TTYH2: variants seen among roughly 807,000 people sequenced by gnomAD.
The protein encoded by TTYH2 is protein tweety homolog 2.
A neutral mutation model predicts 68.3 loss-of-function variants in TTYH2; 49 were observed. The ratio of observed to expected loss-of-function variants is 0.72; its 90% CI spans 0.57 to 0.91. The LOEUF is 0.91. Ranked by LOEUF, TTYH2 falls within the 40% of genes least tolerant of loss-of-function variation. TTYH2 has a pLI of 0.00. For synonymous variants in TTYH2, 272 were observed against 300.8 expected (o/e 0.90, Z 0.99); for missense variants, 631 against 700.4 (o/e 0.90, Z 1.12).
rs550611863 is a variant in TTYH2, at chr17:74,229,367, C to T, written c.303-1521C>T. Among the ~76,000 whole-genome samples the T allele has an allele frequency of 1.1e-4, 17 of 152,252 alleles. 1 individual carries two copies. The highest frequency in any genetic ancestry group is 2.1e-4 in the Non-Finnish European group (14 of 68,022). On this transcript the variant is annotated intron_variant, in intron 2 of 13. Transcript: ENST00000269346. ...ATCCCTTGGGCTGGCTACAGTCTCC[C>T]AACTTTTGGAGTCTTAGGACTAGAG... is the stretch of plus-strand genomic sequence containing the variant.
rs189451956 is a variant in TTYH2, at chr17:74,259,512, T to C, written c.1525-617T>C. Among the ~76,000 whole-genome samples, 367 of 152,312 alleles carry C rather than the reference T, an allele frequency of 2.4e-3. 1 individual carries two copies. Among genetic ancestry groups the C allele is most frequent in the Admixed American group, 4.4e-3 (67 of 15,296 alleles). On this transcript the variant is annotated intron_variant, in intron 13 of 13. Transcript: ENST00000269346. The stretch of plus-strand genomic sequence containing the variant: ...TTACAGGTATGAATCACCACCGTTA[T>C]GTGCATTTTGCATCAACAAAAATAT...
At chr17:74,238,077 G>A (rs552020051) in intron 4 of TTYH2, among the ~76,000 whole-genome samples, 58 of 152,206 alleles carry the variant, frequency 3.8e-4, no homozygotes, top group Non-Finnish European at 6.5e-4. Flanking sequence ...CACTCCCCGC[G>A]CCAAAGGCTG....
At chr17:74,259,852 C>T (rs1391416883) in intron 13 of TTYH2, among the ~76,000 whole-genome samples, 3 of 152,200 alleles carry the variant, frequency 2.0e-5, no homozygotes, top group African/African-American at 4.8e-5. Context: ...CTCCTCCGTG[C>T]GCTGGTGGAC....
At chr17:74,230,440 G>A (rs1224313682) in intron 2 of TTYH2, among the ~76,000 whole-genome samples, 3 of 152,026 alleles carry the variant, frequency 2.0e-5, no homozygotes, top group Admixed American at 6.6e-5. Context: ...AATGTGCAAC[G>A]CTGAGAATGA....
chr17:74,230,739 C>A, intron 2 of TTYH2, 149 bp from the exon 3 acceptor site: 1 of 669,618 alleles, frequency 1.5e-6, no homozygotes, highest in Non-Finnish European at 2.4e-6. Context: ...CTCCTGGGTT[C>A]AAGCAATTCT....
rs35080135 is a variant in TTYH2, at chr17:74,227,983, C to CTTT, written c.303-2889_303-2887dup. 3.1e-4 allele frequency among the ~76,000 whole-genome samples: 35 copies of CTTT among 112,504 alleles called. 1 individual carries two copies. Among genetic ancestry groups the CTTT allele is most frequent in the African/African-American group, 1.4e-3 (30 of 21,542 alleles). 73.8% of individuals were successfully genotyped at this position (112,504 alleles called of 152,430 possible). ...GAAGGAGGTTTCTTTTCTTTTCTTT[C>CTTT]TTTTTTTTTTTTTTTTTTGAGATAG... On this transcript the variant is annotated intron_variant, in intron 2 of 13. Coordinates refer to ENST00000269346, the MANE Select transcript of TTYH2 (RefSeq NM_032646.6).
chr17:74,225,502 G>A (rs975465626), intron 2 of TTYH2, among the ~76,000 whole-genome samples: 1 of 152,174 alleles, frequency 6.6e-6, no homozygotes, highest in African/African-American at 2.4e-5. Flanking sequence ...CCAGGCCGGC[G>A]GGAGTATTCG....
chr17:74,213,695 C>T lies in TTYH2; in HGVS notation c.108C>T (p.Pro36=), dbSNP rs774164215. 2.5e-6 allele frequency: 4 copies of T among 1,612,608 alleles called. No homozygotes were observed. Among genetic ancestry groups the T allele is most frequent in the Non-Finnish European group, 3.4e-6 (4 of 1,179,480 alleles). Residue 36 remains proline, a synonymous_variant, in exon 1 of 14, where the codon CCC becomes CCT. Transcript: ENST00000269346. This position sits in a 1 kb window ranked among gnomAD's most constrained non-coding sequence, Gnocchi z 6.1. ...AGCCCGTGAACAGCACCTTCAGCCC[C>T]GGCGACGAGAGTTACCAGGAGGTAA... ...RLQPVNSTFS[P]GDESYQESLL... is the part of the protein sequence containing the mutation.
intron 1 of TTYH2, among the ~76,000 whole-genome samples, chr17:74,221,151 C>T (rs1174973167): frequency 3.3e-5 from 5 of 152,184 alleles, no homozygotes; most frequent in Non-Finnish European, 7.4e-5. Context: ...AGCCATCTCT[C>T]CTGCCTTTTT....
chr17:74,255,392 C>G (rs2050683234), intron 13 of TTYH2, among the ~76,000 whole-genome samples: 1 of 152,250 alleles, frequency 6.6e-6, no homozygotes, highest in Non-Finnish European at 1.5e-5. Context: ...TTATTTGTGA[C>G]TTTCTTCCAC....
rs990758446 is a variant in TTYH2, at chr17:74,239,658, C to T, written c.635+2144C>T. ...CCACACCTTGCCTCCCCAGCCCGTC[C>T]AGTCCCTGCATCTCCGCCATGTCCT... On this transcript the variant is annotated intron_variant, in intron 4 of 13. Transcript: ENST00000269346. The surrounding 1 kb of genome is among the most constrained non-coding windows in gnomAD (Gnocchi z 5.3). Among the ~76,000 whole-genome samples the T allele has an allele frequency of 6.6e-6, 1 of 152,178 alleles. No individual in the cohort carries two copies. The highest frequency in any genetic ancestry group is 1.5e-5 in the Non-Finnish European group (1 of 68,032).
intron 3 of TTYH2, among the ~76,000 whole-genome samples, chr17:74,235,175 G>A (rs775526758): frequency 6.6e-6 from 1 of 152,216 alleles, no homozygotes; most frequent in Non-Finnish European, 1.5e-5. Flanking sequence ...AACTCCCAGC[G>A]TAGCGCAGAT....
At position 74,252,321 on chromosome 17, in the gene TTYH2, G is replaced by A. The variant is rs770465663; in HGVS notation, c.1204G>A (p.Ala402Thr). 1.4e-4 allele frequency: 222 copies of A among 1,613,676 alleles called. No individual in the cohort carries two copies. The highest frequency in any genetic ancestry group is 1.7e-4 in the Non-Finnish European group (202 of 1,180,030). Residue 402 changes from alanine to threonine, a missense_variant, in exon 11 of 14, where the codon GCC becomes ACC. Physicochemically the swap from Ala to Thr is moderately conservative, Grantham distance 58 (BLOSUM62 0). Transcript: ENST00000269346. ...LGLFSFLAALAFSTMICAGPR... is the reference protein window; with the variant it reads ...LGLFSFLAALTFSTMICAGPR... ...CCTCTTCTCCTTCCTGGCCGCCCTC[G>A]CCTTCTCCACCATGATCTGTGCAGG...
intron 3 of TTYH2, among the ~76,000 whole-genome samples, chr17:74,233,050 C>G (rs193077684): frequency 1.0e-3 from 157 of 152,330 alleles, no homozygotes; most frequent in Non-Finnish European, 1.8e-3. Flanking sequence ...GGTTCTGTAT[C>G]CCTGGAGATC....
chr17:74,253,976 T>G, intron 13 of TTYH2, 143 bp downstream of exon 13: 1 of 808,584 alleles, frequency 1.2e-6, no homozygotes, highest in Non-Finnish European at 2.0e-6. Flanking sequence ...CCGTCGTGGG[T>G]ATCCCAGGCA....
At chr17:74,254,875 G>A (rs951012074) in intron 13 of TTYH2, among the ~76,000 whole-genome samples, 24 of 152,210 alleles carry the variant, frequency 1.6e-4, no homozygotes, top group African/African-American at 5.8e-4. Context: ...CTGTGGTGGC[G>A]GGTCTGGGAG....
intron 3 of TTYH2, among the ~76,000 whole-genome samples, chr17:74,235,802 G>A (rs1480023140): frequency 6.6e-6 from 1 of 151,294 alleles, no homozygotes; most frequent in Non-Finnish European, 1.5e-5. Context: ...GCTGAGGCAG[G>A]AGAATCACTT....
rs575309381 is a variant in TTYH2, at chr17:74,248,261, C to T, written c.805-750C>T. ...CCCAGTTTATCCAGTCCCTAGAGCACCCCAGGCCAGATCTGGGGTGCGCCT... is the reference window on the plus strand; with the variant it reads ...CCCAGTTTATCCAGTCCCTAGAGCATCCCAGGCCAGATCTGGGGTGCGCCT... On this transcript the variant is annotated intron_variant, in intron 6 of 13. Coordinates refer to ENST00000269346, the MANE Select transcript of TTYH2 (RefSeq NM_032646.6). The T allele has an allele frequency of 3.7e-4, 360 of 985,642 alleles. No homozygotes were observed. The Middle Eastern group carries it at 0.011, about 31-fold the overall frequency. 61.1% of individuals were successfully genotyped at this position (985,642 alleles called of 1,614,324 possible).
intron 3 of TTYH2, among the ~76,000 whole-genome samples, chr17:74,231,329 T>C (rs899963860): frequency 6.6e-6 from 1 of 152,122 alleles, no homozygotes; most frequent in Non-Finnish European, 1.5e-5. Flanking sequence ...GCATTTTTTG[T>C]TTTCATTTTA....
Sources: gnomAD v4.1 joint callset for allele counts (sites outside exome capture counted in the v4.1 genomes callset) on GRCh38, gnomAD v4.1.1 for gene constraint, Gnocchi (gnomAD v3.1) non-coding constraint, MANE v1.5 for transcripts, NCBI Gene and HGNC (gene_info 2026-07-23, HGNC 2026-07-21) for gene names.